Variants in PTPRS observed in about 807,000 individuals in gnomAD.
The protein encoded by PTPRS is protein tyrosine phosphatase receptor type S, also known as receptor-type tyrosine-protein phosphatase S.
A neutral mutation model predicts 215.3 loss-of-function variants in PTPRS; 63 were observed. That is an observed-to-expected ratio of 0.29 (90% CI 0.24 to 0.36). PTPRS has a LOEUF of 0.36. Among genes scored for constraint, PTPRS ranks in the 10% least tolerant of loss-of-function variants. PTPRS has a pLI of 1.00. For synonymous variants in PTPRS, 1,404 were observed against 1,191.4 expected (o/e 1.18, Z -3.68); for missense variants, 2,258 against 2,825.8 (o/e 0.80, Z 4.56).
rs571071546 is a variant in PTPRS, at chr19:5,222,786, G to A, written c.3006C>T (p.Pro1002=). 4.6e-5 allele frequency: 74 copies of A among 1,598,694 alleles called. No individual in the cohort carries two copies. The East Asian group carries it at 7.2e-4, about 15-fold the overall frequency. ...GCACTTGGAGGTCATAGGCCGTGTCGGGCTTCAGGCCCTGCAGCGTGAGCG... is the reference window on the plus strand; with the variant it reads ...GCACTTGGAGGTCATAGGCCGTGTCAGGCTTCAGGCCCTGCAGCGTGAGCG... ...ENALTLQGLK[P]DTAYDLQVRA... The change falls in exon 18 of 38, where the codon CCC becomes CCT. Residue 1002 remains proline, a synonymous_variant. Transcript: ENST00000262963.
intron 16 of PTPRS, among the ~76,000 whole-genome samples, chr19:5,227,725 C>G (rs1043378413): frequency 3.3e-5 from 5 of 152,142 alleles, no homozygotes; most frequent in African/African-American, 1.2e-4. Flanking sequence ...GTGTTTTGTT[C>G]CGATTAACAT....
At chr19:5,213,632 G>C (rs1231975546) in intron 30 of PTPRS, among the ~76,000 whole-genome samples, 1 of 151,856 alleles carries the variant, frequency 6.6e-6, no homozygotes, top group African/African-American at 2.4e-5. Flanking sequence ...TAGGGAGTGA[G>C]ATATAACATA....
chr19:5,301,744 TC>T (rs1193994807), intron 1 of PTPRS, among the ~76,000 whole-genome samples: 1 of 150,394 alleles, frequency 6.6e-6, no homozygotes, highest in African/African-American at 2.5e-5. Context: ...CCCCCAATCC[TC>T]CCCTCCTTGC....
intron 1 of PTPRS, among the ~76,000 whole-genome samples, chr19:5,288,457 C>G (rs2048544723): frequency 6.6e-6 from 1 of 152,206 alleles, no homozygotes; most frequent in African/African-American, 2.4e-5. Flanking sequence ...GAGCACAGTC[C>G]CTTACTCTGA....
At chr19:5,305,268 G>A (rs532229311) in intron 1 of PTPRS, among the ~76,000 whole-genome samples, 5 of 152,256 alleles carry the variant, frequency 3.3e-5, no homozygotes, top group East Asian at 1.9e-4. Flanking sequence ...ATTATTTGCC[G>A]AGCATGGTGG....
At position 5,333,041 on chromosome 19, in the gene PTPRS, C is replaced by T. The variant is rs377523605; in HGVS notation, c.-95+7623G>A. On this transcript the variant is annotated intron_variant, in intron 1 of 37. Coordinates refer to ENST00000262963, the MANE Select transcript of PTPRS (RefSeq NM_002850.4). Reference sequence around the variant, plus strand: ...GCGGGTGCCTGTAATCCCAGCTACTCGGGAGGCTGAGGCAGGAGAACCACT... The same window carrying T: ...GCGGGTGCCTGTAATCCCAGCTACTTGGGAGGCTGAGGCAGGAGAACCACT... Among the ~76,000 whole-genome samples the T allele has an allele frequency of 3.3e-5, 5 of 151,886 alleles. No individual in the cohort carries two copies. The East Asian group carries it at 7.8e-4, about 24-fold the overall frequency.
chr19:5,274,166 G>A, intron 3 of PTPRS, 33 bp downstream of exon 3: 1 of 1,587,980 alleles, frequency 6.3e-7, no homozygotes. Context: ...GGGGAGCATT[G>A]ACCCCAGGCT....
chr19:5,328,457 C>T lies in PTPRS; in HGVS notation c.-95+12207G>A, dbSNP rs1263976256. On this transcript the variant is annotated intron_variant, in intron 1 of 37. Transcript: ENST00000262963. Reference sequence around the variant, plus strand: ...TTCACCATGTTGCTCAGGCTGGTCTCGAACTCCTGACCTCAGGTGATCCAC... The same window carrying T: ...TTCACCATGTTGCTCAGGCTGGTCTTGAACTCCTGACCTCAGGTGATCCAC... 5.3e-5 allele frequency among the ~76,000 whole-genome samples: 8 copies of T among 151,800 alleles called. No homozygotes were observed. In the East Asian group the frequency reaches 7.9e-4, roughly 15 times the overall value.
At chr19:5,282,753 G>A (rs1467790649) in intron 2 of PTPRS, among the ~76,000 whole-genome samples, 1 of 150,604 alleles carries the variant, frequency 6.6e-6, no homozygotes, top group East Asian at 2.0e-4. Context: ...AGTGGGAGCC[G>A]AGATCGAGCC....
chr19:5,230,208 C>T (rs2042902048), intron 14 of PTPRS, among the ~76,000 whole-genome samples: 1 of 152,234 alleles, frequency 6.6e-6, no homozygotes, highest in Non-Finnish European at 1.5e-5. Flanking sequence ...AGAGCTGCTT[C>T]ATTTCTTCTC....
At chr19:5,267,751 C>CA (rs1365573251) in intron 4 of PTPRS, among the ~76,000 whole-genome samples, 3 of 130,696 alleles carry the variant, frequency 2.3e-5, no homozygotes, top group Non-Finnish European at 3.1e-5. Context: ...GGACAAGTGA[C>CA]AAAAAAGTGA....
intron 5 of PTPRS, among the ~76,000 whole-genome samples, chr19:5,263,436 G>A (rs1006126561): frequency 6.6e-6 from 1 of 152,110 alleles, no homozygotes; most frequent in Non-Finnish European, 1.5e-5. Flanking sequence ...TTGGTGGGGG[G>A]CAACGATGGG....
At chr19:5,268,308 T>C (rs937628975) in intron 4 of PTPRS, among the ~76,000 whole-genome samples, 2 of 152,170 alleles carry the variant, frequency 1.3e-5, no homozygotes, top group African/African-American at 4.8e-5. Flanking sequence ...GTCCAGCCTG[T>C]AGAGCCAAAA....
At chr19:5,236,655 A>G (rs2043465324) in intron 13 of PTPRS, among the ~76,000 whole-genome samples, 1 of 152,178 alleles carries the variant, frequency 6.6e-6, no homozygotes, top group Admixed American at 6.5e-5. Flanking sequence ...CCTCAGAGAC[A>G]CTGGGCTACC....
chr19:5,251,508 G>A lies in PTPRS; in HGVS notation c.718+4600C>T, dbSNP rs868472705. Among the ~76,000 whole-genome samples the A allele has an allele frequency of 2.7e-5, 4 of 150,586 alleles. No individual in the cohort carries two copies. In the South Asian group the frequency reaches 6.3e-4, roughly 24 times the overall value. Reference sequence around the variant, plus strand: ...TTCCCCCAGTTCTGGCCAATCCATGGACTTCCCTCACCACCCCCCCAACCT... The same window carrying A: ...TTCCCCCAGTTCTGGCCAATCCATGAACTTCCCTCACCACCCCCCCAACCT... On this transcript the variant is annotated intron_variant, in intron 9 of 37. Transcript: ENST00000262963.
At chr19:5,241,337 G>A (rs1194906573) in intron 11 of PTPRS, among the ~76,000 whole-genome samples, 2 of 152,096 alleles carry the variant, frequency 1.3e-5, no homozygotes, top group African/African-American at 4.8e-5. Context: ...AGGCTGGAGT[G>A]TAGTGGCACG....
chr19:5,297,025 CT>C (rs2049156866), intron 1 of PTPRS, among the ~76,000 whole-genome samples: 3 of 152,128 alleles, frequency 2.0e-5, no homozygotes, highest in Non-Finnish European at 4.4e-5. Context: ...TCAAGGATGA[CT>C]TCTGGGTTTT....
At chr19:5,222,622 GGGGGCT>G (rs1224946899) in intron 18 of PTPRS, 61 bp downstream of exon 18, 1 of 1,424,082 alleles carries the variant, frequency 7.0e-7, no homozygotes, top group Non-Finnish European at 9.2e-7. Context: ...GGGAGAGGGA[GGGGGCT>G]GGGGTGGGGG....
chr19:5,318,969 G>A (rs946870995), intron 1 of PTPRS, among the ~76,000 whole-genome samples: 3 of 152,178 alleles, frequency 2.0e-5, no homozygotes, highest in African/African-American at 7.2e-5. Context: ...TGGAGGGCAA[G>A]GGCCTGGCCT....
Sources: gnomAD v4.1 joint callset for allele counts (sites outside exome capture counted in the v4.1 genomes callset) on GRCh38, gnomAD v4.1.1 for gene constraint, MANE v1.5 for transcripts, NCBI Gene and HGNC (gene_info 2026-07-23, HGNC 2026-07-21) for gene names.